The following ARG1 variants were observed in gnomAD, a reference collection of about 807,000 sequenced individuals.
ARG1 encodes the protein arginase-1.
In ARG1, 20 loss-of-function variants were observed where a neutral mutation model predicts 33.0. The observed-to-expected ratio is 0.61, with a 90% CI of 0.43 to 0.88. ARG1 has a LOEUF of 0.88. Ranked by LOEUF, ARG1 falls within the 40% of genes least tolerant of loss-of-function variation. The pLI is 0.00. For missense variants in ARG1, 374 were observed against 384.7 expected (o/e 0.97, Z 0.23); for synonymous variants, 146 against 140.6 (o/e 1.04, Z -0.27).
intron 1 of ARG1, chr6:131,574,270 C>T (rs1240046514): frequency 6.2e-7 from 1 of 1,613,932 alleles, no homozygotes; most frequent in Non-Finnish European, 8.5e-7. Context: ...TAATTTGGAA[C>T]CCTTGCTGTG....
rs776185609 is a variant in ARG1 at position 131,573,304 on chromosome 6, A to G, written c.22A>G (p.Ile8Val). 1.7e-4 allele frequency: 277 copies of G among 1,614,012 alleles called. No individual in the cohort carries two copies. Among genetic ancestry groups the G allele is most frequent in the Admixed American group, 5.3e-4 (32 of 59,996 alleles). Residue 8 changes from isoleucine to valine, a missense_variant, in exon 1 of 8, where the codon ATA (isoleucine) becomes GTA (valine). Ile to Val is a conservative substitution (Grantham distance 29, BLOSUM62 3). Coordinates refer to ENST00000368087, the MANE Select transcript of ARG1 (RefSeq NM_000045.4). ...GAGCATGAGCGCCAAGTCCAGAACCATAGGGATTATTGGAGCTCCTTTCTC... is the reference window on the plus strand; with the variant it reads ...GAGCATGAGCGCCAAGTCCAGAACCGTAGGGATTATTGGAGCTCCTTTCTC... MSAKSRT[I>V]GIIGAPFSKG...
At position 131,584,282 on chromosome 6, in the gene ARG1, T is replaced by C. The variant is rs1303695682; in HGVS notation, c.*374T>C. 3 of 212,506 alleles carry C rather than the reference T, an allele frequency of 1.4e-5. No homozygotes were observed. The highest frequency in any genetic ancestry group is 1.1e-4 in the Admixed American group (2 of 18,664). 13.2% of individuals were successfully genotyped at this position (212,506 alleles called of 1,614,324 possible). ...CATGTGGAAAGGTACTATGTGTCCA[T>C]GTCATTCAAAAAATGTGATTTTTTA... On this transcript the variant is annotated 3_prime_UTR_variant, in exon 8 of 8. Transcript: ENST00000368087.
intron 1 of ARG1, among the ~76,000 whole-genome samples, chr6:131,573,674 T>C (rs1173709154): frequency 6.6e-6 from 1 of 152,212 alleles, no homozygotes; most frequent in African/African-American, 2.4e-5. Flanking sequence ...TCTTGTTGTT[T>C]TTGATGTTAC....
chr6:131,576,261 G>A (rs1344539290), intron 1 of ARG1, among the ~76,000 whole-genome samples: 1 of 152,094 alleles, frequency 6.6e-6, no homozygotes, highest in Non-Finnish European at 1.5e-5. Flanking sequence ...AGCTTATGAG[G>A]GACTCAAAGT....
chr6:131,573,378 G>A, intron 1 of ARG1, 39 bp downstream of exon 1: 1 of 1,609,858 alleles, frequency 6.2e-7, no homozygotes, highest in Non-Finnish European at 8.5e-7. Flanking sequence ...CTGGAATTTA[G>A]TTGAAAATTT....
intron 1 of ARG1, among the ~76,000 whole-genome samples, chr6:131,575,675 T>A (rs934016253): frequency 6.6e-6 from 1 of 152,146 alleles, no homozygotes; most frequent in Non-Finnish European, 1.5e-5. Flanking sequence ...TCTGACAACA[T>A]GTAATAATCT....
chr6:131,573,443 A>T (rs1469321970), intron 1 of ARG1, 104 bp downstream of exon 1: 1 of 1,108,446 alleles, frequency 9.0e-7, no homozygotes, highest in Admixed American at 1.8e-5. Flanking sequence ...TTTCTGATAC[A>T]ATCTGGCCAG....
intron 4 of ARG1, 107 bp downstream of exon 4, chr6:131,581,485 T>A: frequency 7.6e-7 from 1 of 1,313,508 alleles, no homozygotes; most frequent in Non-Finnish European, 1.1e-6. Flanking sequence ...TGGTGTAATC[T>A]CAAATCATTT....
At chr6:131,574,401 C>G (rs1773514875) in intron 1 of ARG1, 1 of 1,288,388 alleles carries the variant, frequency 7.8e-7, no homozygotes, top group Non-Finnish European at 1.1e-6. Flanking sequence ...AAGTCTCTCC[C>G]AAACACAGGG....
At position 131,580,666 on chromosome 6, in the gene ARG1, T is replaced by C. The variant is rs17657817; in HGVS notation, c.306-553T>C. Among the ~76,000 whole-genome samples, 3,690 of 152,284 alleles carry C rather than the reference T, an allele frequency of 0.024. 69 individuals are homozygous for C. Among genetic ancestry groups the C allele is most frequent in the African/African-American group, 0.043 (1,798 of 41,564 alleles). ...CTGGTTGAGTGGGTAACTAGATGCATTGAATAGAATGAGTGAACACACGCC... is the reference window on the plus strand; with the variant it reads ...CTGGTTGAGTGGGTAACTAGATGCACTGAATAGAATGAGTGAACACACGCC... On this transcript the variant is annotated intron_variant, in intron 3 of 7. Coordinates refer to ENST00000368087, the MANE Select transcript of ARG1 (RefSeq NM_000045.4).
At chr6:131,574,225 G>T in intron 1 of ARG1, 1 of 1,587,984 alleles carries the variant, frequency 6.3e-7, no homozygotes, top group Non-Finnish European at 8.6e-7. Context: ...TTTTCTCCAG[G>T]TTTCTCAGGA....
In ARG1 at chr6:131,584,096, T is replaced by C; in HGVS notation, c.*188T>C. On this transcript the variant is annotated 3_prime_UTR_variant, in exon 8 of 8. Transcript: ENST00000368087. ...TGTGGAAATTCTAACTTTTTTGAAA[T>C]TTAAAAGCTTATATTTTCTAACTTG... 1 of 662,418 alleles carries C rather than the reference T, an allele frequency of 1.5e-6. No individual in the cohort carries two copies. The highest frequency in any genetic ancestry group is 2.5e-6 in the Non-Finnish European group (1 of 403,524). The allele number at this position is 662,418 out of a possible 1,614,324, so 41.0% of individuals were successfully genotyped here.
intron 1 of ARG1, among the ~76,000 whole-genome samples, chr6:131,575,002 C>A (rs190230141): frequency 2.0e-5 from 3 of 152,100 alleles, no homozygotes; most frequent in Non-Finnish European, 2.9e-5. Flanking sequence ...ATACTTGTGG[C>A]CATTTAGGGA....
At chr6:131,579,057 G>C in intron 2 of ARG1, 54 bp from the exon 3 acceptor site, 1 of 1,589,674 alleles carries the variant, frequency 6.3e-7, no homozygotes, top group Non-Finnish European at 8.6e-7. Context: ...ATCCTACACA[G>C]ACTGATTTAT....
rs541871489 is a variant in ARG1, at chr6:131,583,478, A to G, written c.789A>G (p.Glu263=). ...TYREGLYITE[E]IYKTGLLSGL... is the part of the protein sequence containing the mutation. ...GAGAAGGTCTCTACATCACAGAAGA[A>G]ATCTACAAAACAGGTAGTTAACAAT... The change falls in exon 7 of 8, where the codon GAA becomes GAG. Residue 263 remains glutamate, a synonymous_variant. Coordinates refer to ENST00000368087, the MANE Select transcript of ARG1 (RefSeq NM_000045.4). 6.2e-7 allele frequency: 1 copy of G among 1,614,132 alleles called. No homozygotes were observed. Among genetic ancestry groups the G allele is most frequent in the Admixed American group, 1.7e-5 (1 of 60,018 alleles).
chr6:131,581,483 T>A, intron 4 of ARG1, 105 bp downstream of exon 4: 1 of 1,327,938 alleles, frequency 7.5e-7, no homozygotes, highest in Non-Finnish European at 1.0e-6. Context: ...CTTGGTGTAA[T>A]CTCAAATCAT....
chr6:131,581,408 T>C (rs367574484), intron 4 of ARG1, 30 bp downstream of exon 4: 21 of 1,598,342 alleles, frequency 1.3e-5, no homozygotes, highest in Middle Eastern at 1.7e-4. Flanking sequence ...TCTAGTGCAA[T>C]AGAATACTTT....
intron 1 of ARG1, among the ~76,000 whole-genome samples, chr6:131,576,124 A>C (rs1486444678): frequency 6.6e-6 from 1 of 152,198 alleles, no homozygotes; most frequent in Non-Finnish European, 1.5e-5. Flanking sequence ...TATTTCTTGC[A>C]GCCTTTACTG....
intron 2 of ARG1, among the ~76,000 whole-genome samples, chr6:131,577,901 C>T (rs1180654450): frequency 7.1e-6 from 1 of 141,602 alleles, no homozygotes; most frequent in Non-Finnish European, 1.5e-5. Context: ...GAGACTCCAT[C>T]TCCAAAAAAA....
Sources: allele counts gnomAD v4.1 joint callset (sites outside exome capture counted in the v4.1 genomes callset), GRCh38; gene constraint gnomAD v4.1.1; transcripts MANE v1.5; gene names NCBI Gene and HGNC (gene_info 2026-07-23, HGNC 2026-07-21).